Variants in RCSD1 observed in about 807,000 individuals in gnomAD.
The protein encoded by RCSD1 is RCSD domain containing 1, also known as capZ-interacting protein.
Under a neutral mutation model 42.5 loss-of-function variants are expected in RCSD1, and 26 were observed. The ratio of observed to expected loss-of-function variants is 0.61; its 90% CI spans 0.45 to 0.85. The LOEUF is 0.85. Among genes scored for constraint, RCSD1 ranks in the 40% least tolerant of loss-of-function variants. The pLI is 0.00. For synonymous variants in RCSD1, 220 were observed against 212.2 expected (o/e 1.04, Z -0.32); for missense variants, 571 against 528.3 (o/e 1.08, Z -0.79).
chr1:167,656,409 C>G (rs1259070377), intron 1 of RCSD1, among the ~76,000 whole-genome samples: 1 of 152,300 alleles, frequency 6.6e-6, no homozygotes, highest in East Asian at 1.9e-4. Flanking sequence ...AAATGGAATG[C>G]TTTTACTGGA....
At position 167,630,245 on chromosome 1, in the gene RCSD1, C is replaced by G. The variant is rs1657659483; in HGVS notation, c.-179C>G. On this transcript the variant is annotated 5_prime_UTR_variant, in exon 1 of 7. Transcript: ENST00000367854. ...TCCTTCCTCGTTCTCTCGCGCAGGG[C>G]CCCCGCGGCCGGGGCAGTCCCGCAG... is the stretch of plus-strand genomic sequence containing the variant. 2 of 263,884 alleles carry G rather than the reference C, an allele frequency of 7.6e-6. No individual in the cohort carries two copies. Among genetic ancestry groups the G allele is most frequent in the Non-Finnish European group, 1.3e-5 (2 of 157,002 alleles). The allele number at this position is 263,884 out of a possible 1,614,324, so 16.3% of individuals were successfully genotyped here. A position where few individuals can be genotyped will look rare whatever the true frequency, so the allele number is the denominator to read the frequency against.
At chr1:167,670,693 C>A (rs939232908) in intron 1 of RCSD1, among the ~76,000 whole-genome samples, 5 of 152,156 alleles carry the variant, frequency 3.3e-5, no homozygotes, top group African/African-American at 1.2e-4. Flanking sequence ...GGCAACTCAC[C>A]CTTTCTGAGC....
intron 1 of RCSD1, among the ~76,000 whole-genome samples, chr1:167,674,149 A>C (rs1010493667): frequency 6.6e-6 from 1 of 152,250 alleles, no homozygotes; most frequent in Non-Finnish European, 1.5e-5. Flanking sequence ...AACTGAATGA[A>C]TGAATAAGTG....
Position 167,652,223 on chromosome 1 carries a change from T to C in RCSD1, c.6+21794T>C, listed in dbSNP as rs372985072. Reference sequence around the variant, plus strand: ...TTTTAGTAGAGACGGGGTTTCACCATGTTGGCCAGAGTGGTCTCAAACTCC... The same window carrying C: ...TTTTAGTAGAGACGGGGTTTCACCACGTTGGCCAGAGTGGTCTCAAACTCC... On this transcript the variant is annotated intron_variant, in intron 1 of 6. Transcript: ENST00000367854. Among the ~76,000 whole-genome samples, 34 of 152,200 alleles carry C rather than the reference T, an allele frequency of 2.2e-4. 1 individual carries two copies. Among genetic ancestry groups the C allele is most frequent in the African/African-American group, 7.9e-4 (33 of 41,510 alleles).
At chr1:167,676,607 A>G (rs1658958066) in intron 1 of RCSD1, among the ~76,000 whole-genome samples, 1 of 151,958 alleles carries the variant, frequency 6.6e-6, no homozygotes, top group Non-Finnish European at 1.5e-5. Flanking sequence ...ATTTCCCACC[A>G]TCATCTCCCA....
chr1:167,649,537 G>A (rs947624696), intron 1 of RCSD1, among the ~76,000 whole-genome samples: 2 of 152,198 alleles, frequency 1.3e-5, no homozygotes, highest in African/African-American at 4.8e-5. Context: ...AGTGATGGGG[G>A]GGCAGAAAGT....
intron 1 of RCSD1, among the ~76,000 whole-genome samples, chr1:167,649,504 C>T (rs1223554582): frequency 1.3e-5 from 2 of 152,212 alleles, no homozygotes; most frequent in Non-Finnish European, 2.9e-5. Context: ...ACAGCTTGGC[C>T]TCACCACTTG....
intron 1 of RCSD1, 33 bp downstream of exon 1, chr1:167,630,462 G>T (rs745511099): frequency 8.5e-6 from 13 of 1,525,502 alleles, no homozygotes; most frequent in Middle Eastern, 1.7e-4. Context: ...GCGGGGCTGA[G>T]CGGTGAGCGG....
At chr1:167,631,083 T>C (rs764358254) in intron 1 of RCSD1, among the ~76,000 whole-genome samples, 27 of 152,228 alleles carry the variant, frequency 1.8e-4, no homozygotes, top group Non-Finnish European at 3.1e-4. Context: ...TCTGAAGCTG[T>C]GTGTATGGAG....
rs1466274669 is a variant in RCSD1, at chr1:167,705,957, G to T, written c.*1261G>T. Reference sequence around the variant, plus strand: ...GAGTATTTTAATGTCTCAGTGTGCTGATTTGGTAGTTGGAAGAATTATTCT... The same window carrying T: ...GAGTATTTTAATGTCTCAGTGTGCTTATTTGGTAGTTGGAAGAATTATTCT... On this transcript the variant is annotated 3_prime_UTR_variant, in exon 7 of 7. Coordinates refer to ENST00000367854, the MANE Select transcript of RCSD1 (RefSeq NM_052862.4). 1 of 152,166 alleles carries T rather than the reference G, an allele frequency of 6.6e-6. No individual in the cohort carries two copies. Among genetic ancestry groups the T allele is most frequent in the East Asian group, 1.9e-4 (1 of 5,204 alleles). 9.4% of individuals were successfully genotyped at this position (152,166 alleles called of 1,614,324 possible). A position where few individuals can be genotyped will look rare whatever the true frequency, so the allele number is the denominator to read the frequency against.
At chr1:167,701,346 C>T (rs1659642089) in intron 6 of RCSD1, among the ~76,000 whole-genome samples, 1 of 136,340 alleles carries the variant, frequency 7.3e-6, no homozygotes, top group Non-Finnish European at 1.6e-5. Flanking sequence ...TGCTCTGTCA[C>T]CCAGGCTGGA....
chr1:167,670,330 T>C (rs528111093), intron 1 of RCSD1, among the ~76,000 whole-genome samples: 12 of 145,260 alleles, frequency 8.3e-5, no homozygotes, highest in African/African-American at 2.9e-4. Flanking sequence ...AAGAGACACT[T>C]CTTTCCCACT....
intron 1 of RCSD1, among the ~76,000 whole-genome samples, chr1:167,683,010 A>G (rs1659121530): frequency 6.6e-6 from 1 of 152,212 alleles, no homozygotes; most frequent in Non-Finnish European, 1.5e-5. Flanking sequence ...GGCCATTTCC[A>G]GCATCACTGA....
At chr1:167,646,374 G>A (rs992149788) in intron 1 of RCSD1, among the ~76,000 whole-genome samples, 3 of 150,330 alleles carry the variant, frequency 2.0e-5, no homozygotes, top group African/African-American at 4.9e-5. Context: ...TCACATTTGA[G>A]GAATGCCAGG....
At chr1:167,685,678 T>C (rs1372076383) in intron 3 of RCSD1, among the ~76,000 whole-genome samples, 168 bp downstream of exon 3, 1 of 152,138 alleles carries the variant, frequency 6.6e-6, no homozygotes, top group Non-Finnish European at 1.5e-5. Context: ...CCTGAATCGT[T>C]TACTTTGGAA....
intron 1 of RCSD1, chr1:167,640,425 G>A (rs1657977428): frequency 6.6e-6 from 1 of 152,190 alleles, no homozygotes; most frequent in African/African-American, 2.4e-5. Context: ...TGTGTCATTG[G>A]ATCAGGACCT....
rs187790545 is a variant in RCSD1, at chr1:167,657,991, G to A, written c.7-25909G>A. ...CACCCAGGCTGGAGTGCAGTGGTGC[G>A]ATCCTAGCTCACTGCAGCCTCAAGC... On this transcript the variant is annotated intron_variant, in intron 1 of 6. Coordinates refer to ENST00000367854, the MANE Select transcript of RCSD1 (RefSeq NM_052862.4). 9.2e-5 allele frequency among the ~76,000 whole-genome samples: 14 copies of A among 151,824 alleles called. No homozygotes were observed. In the East Asian group the frequency reaches 2.3e-3, roughly 25 times the overall value.
intron 1 of RCSD1, among the ~76,000 whole-genome samples, chr1:167,678,881 C>T (rs549565450): frequency 2.0e-5 from 3 of 152,348 alleles, no homozygotes; most frequent in Admixed American, 6.5e-5. Context: ...GAACAATTTT[C>T]CTTTTCTCTT....
At chr1:167,632,620 G>C (rs1260591485) in intron 1 of RCSD1, among the ~76,000 whole-genome samples, 2 of 141,094 alleles carry the variant, frequency 1.4e-5, no homozygotes, top group Non-Finnish European at 3.1e-5. Context: ...CCCGTGCTAG[G>C]GTTTGGGAGG....
Sources: allele counts gnomAD v4.1 joint callset (sites outside exome capture counted in the v4.1 genomes callset), GRCh38; gene constraint gnomAD v4.1.1; transcripts MANE v1.5; gene names NCBI Gene and HGNC (gene_info 2026-07-23, HGNC 2026-07-21).